CNTNAP2: variants seen among roughly 807,000 people sequenced by gnomAD.
CNTNAP2 encodes contactin associated protein 2, also known as contactin-associated protein-like 2.
A neutral mutation model predicts 155.2 loss-of-function variants in CNTNAP2; 98 were observed. The observed-to-expected ratio is 0.63, with a 90% CI of 0.54 to 0.75. The LOEUF (loss-of-function observed/expected upper bound fraction) is 0.75. Among genes scored for constraint, CNTNAP2 ranks in the 30% least tolerant of loss-of-function variants. The pLI, the probability that CNTNAP2 is intolerant of heterozygous loss-of-function variation, is 0.00. For synonymous variants in CNTNAP2, 651 were observed against 631.2 expected (o/e 1.03, Z -0.47); for missense variants, 1,727 against 1,688.1 (o/e 1.02, Z -0.40).
intron 3 of CNTNAP2, among the ~76,000 whole-genome samples, chr7:147,019,493 T>G (rs950137817): frequency 6.6e-6 from 1 of 152,098 alleles, no homozygotes; most frequent in Admixed American, 6.6e-5. Flanking sequence ...CCATATAACC[T>G]TCCTAGAAGG....
At chr7:147,876,543 T>C (rs1476471370) in intron 13 of CNTNAP2, among the ~76,000 whole-genome samples, 1 of 152,114 alleles carries the variant, frequency 6.6e-6, no homozygotes, top group East Asian at 1.9e-4. Flanking sequence ...ATGGGTAAAG[T>C]GGCTGAAGTT....
At chr7:147,920,355 CAAAAAAAAA>C (rs35672069) in intron 14 of CNTNAP2, among the ~76,000 whole-genome samples, 2 of 86,876 alleles carry the variant, frequency 2.3e-5, no homozygotes, top group African/African-American at 8.4e-5. Context: ...GACTCCGTCT[CAAAAAAAAA>C]AAAAAAAAAA....
intron 3 of CNTNAP2, among the ~76,000 whole-genome samples, chr7:147,007,141 G>C (rs1009053130): frequency 3.3e-5 from 5 of 151,996 alleles, no homozygotes; most frequent in African/African-American, 1.2e-4. Flanking sequence ...CTATTATGAT[G>C]AGCAAAATGT....
intron 3 of CNTNAP2, among the ~76,000 whole-genome samples, chr7:146,877,326 AC>A (rs11338797): frequency 0.69 from 104,207 of 151,256 alleles, 36,560 homozygotes; most frequent in African/African-American, 0.81. Context: ...ACATAGTGAG[AC>A]CCCCCCATCT....
chr7:147,848,838 C>T (rs1234612313), intron 13 of CNTNAP2, among the ~76,000 whole-genome samples: 4 of 151,908 alleles, frequency 2.6e-5, no homozygotes, highest in Non-Finnish European at 5.9e-5. Context: ...ATGATTCATA[C>T]ACAAAAGACC....
intron 15 of CNTNAP2, among the ~76,000 whole-genome samples, chr7:148,105,230 G>A (rs1036411928): frequency 2.0e-5 from 3 of 152,204 alleles, no homozygotes; most frequent in Non-Finnish European, 4.4e-5. Flanking sequence ...GGAGGAGGTG[G>A]CATCTGAACT....
At chr7:146,927,688 A>G (rs1001037065) in intron 3 of CNTNAP2, among the ~76,000 whole-genome samples, 3 of 152,004 alleles carry the variant, frequency 2.0e-5, no homozygotes, top group South Asian at 2.1e-4. Flanking sequence ...TAAAATATCT[A>G]TGCTAAAAAC....
chr7:147,830,120 G>A (rs886386859), intron 13 of CNTNAP2, among the ~76,000 whole-genome samples: 1 of 151,542 alleles, frequency 6.6e-6, no homozygotes, highest in South Asian at 2.1e-4. Context: ...GAGATTGTGA[G>A]TGGCTTGGAG....
At chr7:147,034,757 C>T (rs910234137) in intron 3 of CNTNAP2, among the ~76,000 whole-genome samples, 6 of 152,034 alleles carry the variant, frequency 3.9e-5, no homozygotes, top group African/African-American at 1.4e-4. Context: ...ACCCAGCTGC[C>T]AGACTCTCCT....
At chr7:148,351,559 A>G (rs1317585342) in intron 21 of CNTNAP2, among the ~76,000 whole-genome samples, 3 of 151,814 alleles carry the variant, frequency 2.0e-5, no homozygotes, top group Non-Finnish European at 4.4e-5. Flanking sequence ...CCTGACCAAC[A>G]TGGTGAAACC....
At chr7:147,069,531 G>A (rs973296375) in intron 4 of CNTNAP2, among the ~76,000 whole-genome samples, 1 of 152,042 alleles carries the variant, frequency 6.6e-6, no homozygotes, top group Non-Finnish European at 1.5e-5. Flanking sequence ...TTCTATTCAC[G>A]GAGAACAAAC....
intron 1 of CNTNAP2, among the ~76,000 whole-genome samples, chr7:146,601,850 T>C (rs1260070899): frequency 6.6e-6 from 1 of 152,066 alleles, no homozygotes; most frequent in Non-Finnish European, 1.5e-5. Context: ...GTTGACTCCA[T>C]ATACCATTTC....
intron 2 of CNTNAP2, among the ~76,000 whole-genome samples, chr7:146,800,068 AATT>A (rs1354549018): frequency 6.6e-6 from 1 of 152,206 alleles, no homozygotes; most frequent in Non-Finnish European, 1.5e-5. Context: ...ATGCATTTGG[AATT>A]ATTAGTAACT....
intron 16 of CNTNAP2, chr7:148,133,947 C>G (rs925441128): frequency 6.6e-6 from 1 of 152,086 alleles, no homozygotes; most frequent in Non-Finnish European, 1.5e-5. Flanking sequence ...GGAGAGAAAA[C>G]AGCATAGGCA....
intron 1 of CNTNAP2, among the ~76,000 whole-genome samples, chr7:146,413,964 C>T (rs940272815): frequency 1.3e-5 from 2 of 152,000 alleles, no homozygotes; most frequent in South Asian, 2.1e-4. Context: ...ATTTTGTAGC[C>T]TCCTTTACAG....
intron 4 of CNTNAP2, among the ~76,000 whole-genome samples, chr7:147,071,959 C>T (rs1181524387): frequency 6.6e-6 from 1 of 152,152 alleles, no homozygotes; most frequent in Non-Finnish European, 1.5e-5. Context: ...AAAAACCAGT[C>T]TCTGCCTTTG....
intron 12 of CNTNAP2, among the ~76,000 whole-genome samples, chr7:147,563,382 G>A (rs944899302): frequency 2.0e-5 from 3 of 152,096 alleles, no homozygotes; most frequent in African/African-American, 4.8e-5. Flanking sequence ...TGTAATCCCA[G>A]CATCTTGGGA....
At chr7:146,876,811 C>T (rs986441939) in intron 3 of CNTNAP2, among the ~76,000 whole-genome samples, 1 of 152,126 alleles carries the variant, frequency 6.6e-6, no homozygotes, top group Non-Finnish European at 1.5e-5. Context: ...ATGTGTTTTT[C>T]ACTCAAAAAG....
At chr7:147,383,093 A>G (rs972680663) in intron 9 of CNTNAP2, among the ~76,000 whole-genome samples, 1 of 150,596 alleles carries the variant, frequency 6.6e-6, no homozygotes, top group African/African-American at 2.5e-5. Flanking sequence ...TATCCTAGAA[A>G]AAAAGTGATA....
Sources: allele counts gnomAD v4.1 joint callset (sites outside exome capture counted in the v4.1 genomes callset), GRCh38; gene constraint gnomAD v4.1.1; transcripts MANE v1.5; gene names NCBI Gene and HGNC (gene_info 2026-07-23, HGNC 2026-07-21).